The following PPP1R3F variants were observed in gnomAD, a reference collection of about 807,000 sequenced individuals.
PPP1R3F encodes the protein protein phosphatase 1 regulatory subunit 3F.
Under a neutral mutation model 24.2 loss-of-function variants are expected in PPP1R3F, and 29 were observed. That is an observed-to-expected ratio of 1.20 (90% confidence interval 0.89 to 1.63). The LOEUF (loss-of-function observed/expected upper bound fraction) is 1.63. Ranked by LOEUF, PPP1R3F falls within the 40% of genes most tolerant of loss-of-function variation. The pLI is 0.00. For synonymous variants in PPP1R3F, 363 were observed against 340.1 expected (o/e 1.07, Z -0.74); for missense variants, 823 against 729.3 (o/e 1.13, Z -1.48).
intron 3 of PPP1R3F, among the ~76,000 whole-genome samples, chrX:49,299,558 C>G (rs1271267051): frequency 1.8e-5 from 2 of 112,222 alleles, no homozygotes; most frequent in African/African-American, 3.2e-5. Context: ...ATCCGCTGCT[C>G]TCTTGAGAGC....
chrX:49,285,976 C>G lies in PPP1R3F; in HGVS notation c.1286C>G (p.Ser429Cys), dbSNP rs1557121376. The G allele has an allele frequency of 3.3e-6, 4 of 1,200,520 alleles. No individual in the cohort carries two copies. Among genetic ancestry groups the G allele is most frequent in the Non-Finnish European group, 4.5e-6 (4 of 888,795 alleles). ...PSSPLCGLGG[S>C]PRDQASGPDA... Reference sequence around the variant, plus strand: ...TCCCCTCTCTGTGGCCTGGGTGGCTCCCCCAGAGACCAGGCCTCAGGGCCC... The same window carrying G: ...TCCCCTCTCTGTGGCCTGGGTGGCTGCCCCAGAGACCAGGCCTCAGGGCCC... The change falls in exon 4 of 4, where the codon TCC (serine) becomes TGC (cysteine). Residue 429 changes from serine to cysteine, a missense_variant. By Grantham distance (112) the Ser-to-Cys change is moderately radical. Transcript: ENST00000055335.
In PPP1R3F at chrX:49,287,351, A is replaced by G; in HGVS notation, c.*261A>G. ...CCGAGCCTGTATTTATTTTTGTATAATTCTCTGGATGAGGGAGAGTGGTCG... is the reference window on the plus strand; with the variant it reads ...CCGAGCCTGTATTTATTTTTGTATAGTTCTCTGGATGAGGGAGAGTGGTCG... On this transcript the variant is annotated 3_prime_UTR_variant, in exon 4 of 4. Transcript: ENST00000055335. The G allele has an allele frequency of 5.8e-6, 2 of 346,112 alleles. No individual in the cohort carries two copies. Among genetic ancestry groups the G allele is most frequent in the Non-Finnish European group, 9.9e-6 (2 of 201,660 alleles). 28.5% of individuals were successfully genotyped at this position (346,112 alleles called of 1,213,427 possible).
chrX:49,270,436 T>C lies in PPP1R3F; in HGVS notation c.567T>C (p.Ala189=). 2 of 1,195,759 alleles carry C rather than the reference T, an allele frequency of 1.7e-6. No individual in the cohort carries two copies. The highest frequency in any genetic ancestry group is 2.2e-6 in the Non-Finnish European group (2 of 892,494). ...VHVRASHDGW[A]SFCDHPARYV... is the part of the protein sequence containing the mutation. ...TGCGGGCCTCACACGACGGCTGGGC[T>C]TCCTTTTGCGACCACCCAGCGCGCT... is the stretch of plus-strand genomic sequence containing the variant. Residue 189 remains alanine, a synonymous_variant, in exon 1 of 4, where the codon GCT becomes GCC. Transcript: ENST00000055335.
rs782038630 is a variant in PPP1R3F at position 49,286,266 on chromosome X, C to T, written c.1576C>T (p.Leu526=). 7.4e-6 allele frequency: 9 copies of T among 1,209,782 alleles called. No individual in the cohort carries two copies. In the African/African-American group the frequency reaches 1.2e-4, roughly 16 times the overall value. Residue 526 remains leucine, a synonymous_variant, in exon 4 of 4, where the codon CTG becomes TTG. Coordinates refer to ENST00000055335, the MANE Select transcript of PPP1R3F (RefSeq NM_033215.5). ...TDGGMSPSHP[L]GILTDRDLIL... Reference sequence around the variant, plus strand: ...TGGAGGGATGTCCCCCAGCCATCCCCTGGGCATACTGACGGACCGCGACCT... The same window carrying T: ...TGGAGGGATGTCCCCCAGCCATCCCTTGGGCATACTGACGGACCGCGACCT...
At chrX:49,298,437 C>T (rs1426487829) in intron 3 of PPP1R3F, among the ~76,000 whole-genome samples, 1 of 111,815 alleles carries the variant, frequency 8.9e-6, no homozygotes, top group African/African-American at 3.3e-5. Context: ...CTCTGGCTGC[C>T]CTTAACATTT....
At chrX:49,284,489 T>TTTC (rs1227158658) in intron 3 of PPP1R3F, among the ~76,000 whole-genome samples, 8 of 100,569 alleles carry the variant, frequency 8.0e-5, no homozygotes, top group Non-Finnish European at 6.0e-5. Context: ...TCTCTCTTTC[T>TTTC]TTCTTTTTTC....
intron 3 of PPP1R3F, among the ~76,000 whole-genome samples, chrX:49,284,509 C>CTTTTTTTTTTT (rs145170789): frequency 9.0e-4 from 46 of 50,832 alleles, no homozygotes; most frequent in African/African-American, 1.8e-3. Flanking sequence ...CTTTTTCTTT[C>CTTTTTTTTTTT]TTTTTTTTTT....
rs782510005 is a variant in PPP1R3F, at chrX:49,270,676, G to A, written c.807G>A (p.Glu269=). 8.3e-7 allele frequency: 1 copy of A among 1,208,481 alleles called. No individual in the cohort carries two copies. Among genetic ancestry groups the A allele is most frequent in the African/African-American group, 1.7e-5 (1 of 57,567 alleles). Residue 269 remains glutamate (E), a synonymous_variant, in exon 1 of 4, where the codon GAG becomes GAA. Transcript: ENST00000055335. ...TCGTGGTGCGCTATGAGACCCCTGA[G>A]GGCACTTTCTGGGCCAACAACCACG... ...LDFVVRYETP[E]GTFWANNHGR...
At position 49,281,158 on chromosome X, in the gene PPP1R3F, CAGT is replaced by C. The variant is rs2066246398; in HGVS notation, c.1005-244_1005-242del. 2.1e-5 allele frequency: 6 copies of C among 284,812 alleles called. No individual in the cohort carries two copies. The East Asian group carries it at 3.1e-4, about 15-fold the overall frequency. 23.5% of individuals were successfully genotyped at this position (284,812 alleles called of 1,213,427 possible). A position where few individuals can be genotyped will look rare whatever the true frequency, so the allele number is the denominator to read the frequency against. ...GGAAGGAAATTTTCCAGAATGGTAA[CAGT>C]AGTTGTCTCTGGCTGATGTGTGATT... On this transcript the variant is annotated intron_variant, in intron 1 of 3. Transcript: ENST00000055335.
chrX:49,277,878 A>G (rs2066223881), intron 1 of PPP1R3F, among the ~76,000 whole-genome samples: 2 of 112,087 alleles, frequency 1.8e-5, no homozygotes, highest in South Asian at 3.7e-4. Context: ...AAGGTTTTCA[A>G]ATGCCTTGGT....
At position 49,270,329 on chromosome X, in the gene PPP1R3F, G is replaced by A. The variant is rs1250720100; in HGVS notation, c.460G>A (p.Val154Met). 3 of 1,137,259 alleles carry A rather than the reference G, an allele frequency of 2.6e-6. No individual in the cohort carries two copies. The highest frequency in any genetic ancestry group is 3.6e-5 in the African/African-American group (2 of 54,981). 93.7% of individuals were successfully genotyped at this position (1,137,259 alleles called of 1,213,427 possible). ...CGGAGCGGTCCCCGGGGGTGCCGGG[G>A]TGTGGGTGCCTGGGGGCCGCCCGCC... ...PPGAVPGGAG[V>M]WVPGGRPPVL... Residue 154 changes from valine (V) to methionine (M), a missense_variant, in exon 1 of 4, where the codon GTG (valine) becomes ATG (methionine). Physicochemically the swap from Val to Met is conservative, Grantham distance 21 (BLOSUM62 1). Coordinates refer to ENST00000055335, the MANE Select transcript of PPP1R3F (RefSeq NM_033215.5).
At chrX:49,277,475 G>A (rs1241515846) in intron 1 of PPP1R3F, among the ~76,000 whole-genome samples, 1 of 112,503 alleles carries the variant, frequency 8.9e-6, no homozygotes, top group Non-Finnish European at 1.9e-5. Flanking sequence ...GTACTTGTGG[G>A]GCTGGTGCCA....
chrX:49,278,577 T>C, intron 1 of PPP1R3F, among the ~76,000 whole-genome samples: 1 of 111,942 alleles, frequency 8.9e-6, no homozygotes, highest in Non-Finnish European at 1.9e-5. Flanking sequence ...CCTGTAGTAT[T>C]CTGATTCAAG....
intron 1 of PPP1R3F, among the ~76,000 whole-genome samples, chrX:49,280,540 C>T (rs2066241785): frequency 3.1e-5 from 2 of 64,585 alleles, no homozygotes; most frequent in South Asian, 8.5e-4. Context: ...TGAGCCACCG[C>T]GTCTGGCCCT....
At chrX:49,282,413 T>A (rs1433940947) in intron 3 of PPP1R3F, among the ~76,000 whole-genome samples, 1 of 101,796 alleles carries the variant, frequency 9.8e-6, no homozygotes, top group Non-Finnish European at 2.0e-5. Context: ...TAAGGAAAAA[T>A]AGAAAGGAAT....
chrX:49,282,093 A>G lies in PPP1R3F; in HGVS notation c.1143+30A>G, dbSNP rs782188804. ...GTGGGTCCTTGCAGCCTTGGAGTAGACAGCCCAATAGGAGGCTCACAGTGT... is the reference window on the plus strand; with the variant it reads ...GTGGGTCCTTGCAGCCTTGGAGTAGGCAGCCCAATAGGAGGCTCACAGTGT... On this transcript the variant is annotated intron_variant, in intron 3 of 3. Transcript: ENST00000055335. 7 of 1,079,556 alleles carry G rather than the reference A, an allele frequency of 6.5e-6. No individual in the cohort carries two copies. In the Admixed American group the frequency reaches 1.5e-4, roughly 24 times the overall value. 89.0% of individuals were successfully genotyped at this position (1,079,556 alleles called of 1,213,427 possible).
downstream of PPP1R3F, among the ~76,000 whole-genome samples, chrX:49,292,021 C>G (rs781839172): frequency 8.9e-5 from 10 of 112,014 alleles, no homozygotes; most frequent in Admixed American, 6.6e-4. Flanking sequence ...TCTCCAACAG[C>G]GCAGCCATGG....
intron 3 of PPP1R3F, among the ~76,000 whole-genome samples, chrX:49,295,491 A>T (rs782778114): frequency 1.8e-5 from 2 of 112,076 alleles, no homozygotes; most frequent in Non-Finnish European, 3.8e-5. Context: ...TCCCCAGGAT[A>T]AGCCTCACTT....
At chrX:49,277,178 C>CCTTTCTTGG (rs2066219062) in intron 1 of PPP1R3F, among the ~76,000 whole-genome samples, 1 of 113,063 alleles carries the variant, frequency 8.8e-6, no homozygotes, top group Non-Finnish European at 1.9e-5. Context: ...TGGCGAATCA[C>CCTTTCTTGG]CTTTCTTGGC....
Sources: allele counts gnomAD v4.1 joint callset (sites outside exome capture counted in the v4.1 genomes callset), GRCh38; gene constraint gnomAD v4.1.1; transcripts MANE v1.5; gene names NCBI Gene and HGNC (gene_info 2026-07-23, HGNC 2026-07-21).